Variants in EHD4 observed in about 807,000 individuals in gnomAD.
EHD4 encodes the protein EH domain containing 4, also known as EH domain-containing protein 4.
EHD4 carries 37 observed loss-of-function variants against 51.0 expected under a neutral mutation model. That is an observed-to-expected ratio of 0.73 (90% CI 0.56 to 0.95). The LOEUF is 0.95. Ranked by LOEUF, EHD4 falls within the 40% of genes least tolerant of loss-of-function variation. EHD4 has a pLI of 0.00. For synonymous variants in EHD4, 297 were observed against 317.3 expected (o/e 0.94, Z 0.68); for missense variants, 632 against 733.1 (o/e 0.86, Z 1.59).
chr15:41,962,280 G>T (rs537244660), intron 1 of EHD4, among the ~76,000 whole-genome samples: 1 of 152,152 alleles, frequency 6.6e-6, no homozygotes, highest in South Asian at 2.1e-4. Flanking sequence ...CTCAAAGAAT[G>T]ACAGAAAATG....
intron 5 of EHD4, among the ~76,000 whole-genome samples, chr15:41,905,403 G>A (rs1228939150): frequency 6.6e-6 from 1 of 152,210 alleles, no homozygotes; most frequent in Non-Finnish European, 1.5e-5. Context: ...CAGGGCCTGA[G>A]AGCCTGCTGT....
intron 1 of EHD4, among the ~76,000 whole-genome samples, chr15:41,969,014 T>C (rs2067979483): frequency 1.3e-5 from 2 of 152,208 alleles, no homozygotes; most frequent in South Asian, 4.1e-4. Context: ...ATTGTTCTAA[T>C]AGTTTTTAAG....
intron 1 of EHD4, among the ~76,000 whole-genome samples, chr15:41,963,667 C>A (rs2067942429): frequency 6.7e-6 from 1 of 148,162 alleles, no homozygotes; most frequent in African/African-American, 2.5e-5. Flanking sequence ...GATTTTCTAA[C>A]CAAAAAATAA....
rs117792352 is a variant in EHD4 at position 41,905,124 on chromosome 15, G to A, written c.1090-3943C>T. ...AAGGCCTATGTTACAGAGGATGTTAGACTTTAACAGCCTCAGGGATGGGAC... is the reference window on the plus strand; with the variant it reads ...AAGGCCTATGTTACAGAGGATGTTAAACTTTAACAGCCTCAGGGATGGGAC... On this transcript the variant is annotated intron_variant, in intron 5 of 5. Transcript: ENST00000220325. 9.3e-3 allele frequency among the ~76,000 whole-genome samples: 1,413 copies of A among 152,336 alleles called. 14 individuals carry two copies. The highest frequency in any genetic ancestry group is 0.015 in the Non-Finnish European group (987 of 68,022).
chr15:41,905,238 G>T (rs1656041487), intron 5 of EHD4, among the ~76,000 whole-genome samples: 1 of 152,184 alleles, frequency 6.6e-6, no homozygotes, highest in African/African-American at 2.4e-5. Context: ...TTCCTGACAG[G>T]CTCCAGGCTG....
chr15:41,958,988 C>G (rs966791381), intron 1 of EHD4, among the ~76,000 whole-genome samples: 2 of 152,188 alleles, frequency 1.3e-5, no homozygotes, highest in African/African-American at 4.8e-5. Context: ...AGGAACGTGT[C>G]CTGTGAATCA....
rs866445579 is a variant in EHD4 at position 41,949,047 on chromosome 15, T to C, written c.413+4717A>G. Among the ~76,000 whole-genome samples, 12 of 97,864 alleles carry C rather than the reference T, an allele frequency of 1.2e-4. 1 individual carries two copies. Among genetic ancestry groups the C allele is most frequent in the African/African-American group, 4.6e-4 (12 of 26,212 alleles). The allele number at this position is 97,864 out of a possible 152,430, so 64.2% of individuals were successfully genotyped here. A position where few individuals can be genotyped will look rare whatever the true frequency, so the allele number is the denominator to read the frequency against. On this transcript the variant is annotated intron_variant, in intron 2 of 5. Coordinates refer to ENST00000220325, the MANE Select transcript of EHD4 (RefSeq NM_139265.4). ...ATATATATATATATATATATATATA[T>C]ATATACACACATACACACACACATA...
chr15:41,907,856 GTGTGTGTGTGTGTGTATA>G (rs1306197506), intron 5 of EHD4, among the ~76,000 whole-genome samples: 1,161 of 106,296 alleles, frequency 0.011, 26 homozygotes, highest in African/African-American at 0.042. Context: ...GTGTGTGTGT[GTGTGTGTGTGTGTGTATA>G]TATTTATTTA....
intron 4 of EHD4, 77 bp from the exon 5 acceptor site, chr15:41,909,940 A>G: frequency 6.4e-7 from 1 of 1,563,610 alleles, no homozygotes; most frequent in East Asian, 2.2e-5. Flanking sequence ...TTGCATCTTA[A>G]CTCCATCATA....
chr15:41,972,117 G>C, intron 1 of EHD4, 142 bp downstream of exon 1: 1 of 802,756 alleles, frequency 1.2e-6, no homozygotes, highest in Non-Finnish European at 1.6e-6. Flanking sequence ...GGGCGGGGCC[G>C]AGGGCACCGG....
In EHD4 at chr15:41,927,178, T is replaced by C. The variant is rs2067668447; in HGVS notation, c.512-7556A>G. ...CTGAGGGCAGAGACTCCACTCCTTATTCTATTCACCACTATACACCCAGGA... is the reference window on the plus strand; with the variant it reads ...CTGAGGGCAGAGACTCCACTCCTTACTCTATTCACCACTATACACCCAGGA... On this transcript the variant is annotated intron_variant, in intron 3 of 5. Transcript: ENST00000220325. 1.3e-5 allele frequency among the ~76,000 whole-genome samples: 2 copies of C among 152,256 alleles called. 1 individual carries two copies. Among genetic ancestry groups the C allele is most frequent in the Admixed American group, 1.3e-4 (2 of 15,288 alleles).
At chr15:41,925,747 G>C (rs1245561058) in intron 3 of EHD4, among the ~76,000 whole-genome samples, 1 of 152,188 alleles carries the variant, frequency 6.6e-6, no homozygotes, top group Non-Finnish European at 1.5e-5. Flanking sequence ...TTGTCCTGCG[G>C]AAGATCCCAG....
intron 3 of EHD4, among the ~76,000 whole-genome samples, chr15:41,923,104 A>AACC (rs1460619203): frequency 6.6e-6 from 1 of 152,198 alleles, no homozygotes; most frequent in Non-Finnish European, 1.5e-5. Context: ...ATTGTCGTAC[A>AACC]ACCACCACCA....
chr15:41,942,269 C>G (rs1166874367), intron 3 of EHD4: 1 of 142,824 alleles, frequency 7.0e-6, no homozygotes, highest in Admixed American at 7.1e-5. Context: ...TTTTTTGAGA[C>G]GGAGTTTCGC....
chr15:41,958,637 C>A (rs139828414), intron 1 of EHD4, among the ~76,000 whole-genome samples: 1 of 152,266 alleles, frequency 6.6e-6, no homozygotes, highest in Non-Finnish European at 1.5e-5. Flanking sequence ...GCACCATCTT[C>A]TCAACGATGA....
Position 41,966,178 on chromosome 15 carries a change from G to A in EHD4, c.236+6081C>T, listed in dbSNP as rs1595547902. On this transcript the variant is annotated intron_variant, in intron 1 of 5. Coordinates refer to ENST00000220325, the MANE Select transcript of EHD4 (RefSeq NM_139265.4). Reference sequence around the variant, plus strand: ...AGGCCTCCTTCCCCCAGGCCTAGCTGCTGAGAATTTGACGCCTCACATCCC... The same window carrying A: ...AGGCCTCCTTCCCCCAGGCCTAGCTACTGAGAATTTGACGCCTCACATCCC... Among the ~76,000 whole-genome samples, 3 of 152,048 alleles carry A rather than the reference G, an allele frequency of 2.0e-5. No homozygotes were observed. In the South Asian group the frequency reaches 6.2e-4, roughly 32 times the overall value.
chr15:41,936,104 G>T (rs1049814469), intron 3 of EHD4, among the ~76,000 whole-genome samples: 2 of 152,248 alleles, frequency 1.3e-5, no homozygotes, highest in African/African-American at 4.8e-5. Flanking sequence ...GGTGGAACCT[G>T]CAGGGCTTCT....
intron 2 of EHD4, among the ~76,000 whole-genome samples, chr15:41,948,649 G>C (rs1439286213): frequency 6.6e-6 from 1 of 152,162 alleles, no homozygotes. Context: ...AATTGGCTGG[G>C]GGAAGCCGCA....
intron 1 of EHD4, 130 bp downstream of exon 1, chr15:41,972,129 C>T (rs1471563292): frequency 1.1e-6 from 1 of 943,538 alleles, no homozygotes; most frequent in Non-Finnish European, 1.3e-6. Context: ...GGGCACCGGG[C>T]GCCGAGCTCC....
Sources: allele counts gnomAD v4.1 joint callset (sites outside exome capture counted in the v4.1 genomes callset), GRCh38; gene constraint gnomAD v4.1.1; transcripts MANE v1.5; gene names NCBI Gene and HGNC (gene_info 2026-07-23, HGNC 2026-07-21).